Variants in ARHGDIB observed in about 807,000 individuals in gnomAD.
ARHGDIB encodes rho GDP-dissociation inhibitor 2.
In ARHGDIB, 20 loss-of-function variants were observed where a neutral mutation model predicts 22.6. The observed-to-expected ratio is 0.88, with a 90% CI of 0.62 to 1.28. The LOEUF (loss-of-function observed/expected upper bound fraction) is 1.28. Among genes scored for constraint, ARHGDIB ranks in the 50% most tolerant of loss-of-function variants. The probability of loss-of-function intolerance (pLI) is 0.00; values close to 1 mark genes in which losing one functional copy is unlikely to be tolerated. For missense variants in ARHGDIB, 254 were observed against 245.4 expected (o/e 1.04, Z -0.23); for synonymous variants, 114 against 96.1 (o/e 1.19, Z -1.09).
At chr12:14,946,615 C>T (rs1021198399) in intron 4 of ARHGDIB, among the ~76,000 whole-genome samples, 2 of 152,130 alleles carry the variant, frequency 1.3e-5, no homozygotes, top group Non-Finnish European at 2.9e-5. Context: ...GTGGCCTCCT[C>T]CTGCATCATC....
At chr12:14,947,652 T>C (rs1455148175) in intron 4 of ARHGDIB, 2 of 517,130 alleles carry the variant, frequency 3.9e-6, no homozygotes, top group Non-Finnish European at 6.9e-6. Context: ...GCTTAAGAGA[T>C]AATGAAGAGT....
chr12:14,944,141 C>T (rs1407583741), intron 5 of ARHGDIB, among the ~76,000 whole-genome samples: 2 of 151,168 alleles, frequency 1.3e-5, no homozygotes, highest in African/African-American at 4.9e-5. Context: ...AAAGTGCCTC[C>T]ATCACCTTCC....
chr12:14,942,819 G>A, intron 5 of ARHGDIB, 98 bp from the exon 6 acceptor site: 1 of 1,053,250 alleles, frequency 9.5e-7, no homozygotes, highest in Non-Finnish European at 1.4e-6. Flanking sequence ...AGTGATTAAA[G>A]TCAAGAGCAA....
intron 1 of ARHGDIB, among the ~76,000 whole-genome samples, chr12:14,954,387 C>G (rs1864252790): frequency 6.6e-6 from 1 of 152,208 alleles, no homozygotes. Context: ...CAGGTGACAC[C>G]TGTGTCTGAG....
intron 1 of ARHGDIB, among the ~76,000 whole-genome samples, chr12:14,956,578 C>G (rs933236121): frequency 6.6e-6 from 1 of 152,088 alleles, no homozygotes; most frequent in South Asian, 2.1e-4. Context: ...TGACTTTGGT[C>G]CTTTGCACAG....
Position 14,942,287 on chromosome 12 carries a change from G to C in ARHGDIB, c.*235C>G. 1.8e-6 allele frequency: 1 copy of C among 551,116 alleles called. No individual in the cohort carries two copies. Among genetic ancestry groups the C allele is most frequent in the South Asian group, 2.1e-5 (1 of 46,518 alleles). The allele number at this position is 551,116 out of a possible 1,614,324, so 34.1% of individuals were successfully genotyped here. A position where few individuals can be genotyped will look rare whatever the true frequency, so the allele number is the denominator to read the frequency against. On this transcript the variant is annotated 3_prime_UTR_variant, in exon 6 of 6. Coordinates refer to ENST00000228945, the MANE Select transcript of ARHGDIB (RefSeq NM_001175.7). Reference sequence around the variant, plus strand: ...AATGATTGTGTACTGAGATGGAGACGTGGAAGATCTGGCCCTGATGGAGGA... The same window carrying C: ...AATGATTGTGTACTGAGATGGAGACCTGGAAGATCTGGCCCTGATGGAGGA...
At chr12:14,953,419 G>T (rs916799458) in intron 1 of ARHGDIB, among the ~76,000 whole-genome samples, 5 of 152,134 alleles carry the variant, frequency 3.3e-5, no homozygotes, top group African/African-American at 1.2e-4. Context: ...TAAAATTAGG[G>T]TCATGATTAT....
At chr12:14,950,408 T>G in intron 2 of ARHGDIB, 124 bp downstream of exon 2, 1 of 785,898 alleles carries the variant, frequency 1.3e-6, no homozygotes. Flanking sequence ...ATATAAATTG[T>G]GCCTCGCTCA....
intron 1 of ARHGDIB, chr12:14,950,929 C>G (rs1864161651): frequency 6.5e-6 from 3 of 460,894 alleles, no homozygotes; most frequent in African/African-American, 4.0e-5. Flanking sequence ...GCCTGAATTT[C>G]TCTGTACCAT....
At chr12:14,956,637 T>C (rs918124) in intron 1 of ARHGDIB, among the ~76,000 whole-genome samples, 44,902 of 152,066 alleles carry the variant, frequency 0.3, 7,201 homozygotes, top group African/African-American at 0.43. Flanking sequence ...CAGGTTAATG[T>C]GGACCCCATT....
At chr12:14,942,896 T>G (rs1863905349) in intron 5 of ARHGDIB, among the ~76,000 whole-genome samples, 175 bp from the exon 6 acceptor site, 2 of 151,886 alleles carry the variant, frequency 1.3e-5, no homozygotes, top group East Asian at 1.9e-4. Context: ...AAGATGGAGT[T>G]TTGCTCTTGT....
chr12:14,955,611 A>C (rs1205154010), intron 1 of ARHGDIB, among the ~76,000 whole-genome samples: 1 of 152,188 alleles, frequency 6.6e-6, no homozygotes, highest in Non-Finnish European at 1.5e-5. Context: ...CTCAAGTACA[A>C]TACAATATTA....
chr12:14,956,510 C>A lies in ARHGDIB; in HGVS notation c.-13+5027G>T, dbSNP rs143042630. 3.2e-3 allele frequency among the ~76,000 whole-genome samples: 487 copies of A among 152,288 alleles called. 4 individuals carry two copies. Among genetic ancestry groups the A allele is most frequent in the African/African-American group, 0.012 (481 of 41,556 alleles). On this transcript the variant is annotated intron_variant, in intron 1 of 5. Coordinates refer to ENST00000228945, the MANE Select transcript of ARHGDIB (RefSeq NM_001175.7). ...AATCTTCTGGATGGGCTTTCCTCAC[C>A]TTCCTCAGCTGCTCATCCCCTATTC...
intron 3 of ARHGDIB, among the ~76,000 whole-genome samples, chr12:14,948,541 A>G (rs2120707418): frequency 6.6e-6 from 1 of 152,294 alleles, no homozygotes; most frequent in East Asian, 1.9e-4. Flanking sequence ...AAGGAATATC[A>G]CTGAAGTTAT....
At chr12:14,956,501 T>TTTCCTCACC (rs1396590843) in intron 1 of ARHGDIB, among the ~76,000 whole-genome samples, 1 of 152,176 alleles carries the variant, frequency 6.6e-6, no homozygotes, top group Non-Finnish European at 1.5e-5. Context: ...CTGGATGGGC[T>TTTCCTCACC]TTCCTCACCT....
intron 1 of ARHGDIB, 176 bp from the exon 2 acceptor site, chr12:14,950,900 C>A (rs573812714): frequency 7.6e-6 from 4 of 527,854 alleles, no homozygotes; most frequent in East Asian, 6.5e-5. Flanking sequence ...CTAATGTATT[C>A]TAGTAATTTC....
At chr12:14,951,307 C>A (rs1375395869) in intron 1 of ARHGDIB, among the ~76,000 whole-genome samples, 1 of 152,190 alleles carries the variant, frequency 6.6e-6, no homozygotes, top group East Asian at 1.9e-4. Flanking sequence ...CCTCAGGTGC[C>A]TGCATGGTTC....
At chr12:14,959,903 T>A (rs1864377432) in intron 1 of ARHGDIB, among the ~76,000 whole-genome samples, 1 of 152,228 alleles carries the variant, frequency 6.6e-6, no homozygotes, top group Non-Finnish European at 1.5e-5. Flanking sequence ...AAGAGTAAGA[T>A]GCTCTTGTTA....
Position 14,953,347 on chromosome 12 carries a change from A to G in ARHGDIB, c.-12-2623T>C, listed in dbSNP as rs183343830. On this transcript the variant is annotated intron_variant, in intron 1 of 5. Coordinates refer to ENST00000228945, the MANE Select transcript of ARHGDIB (RefSeq NM_001175.7). ...AGCTCATTCTAGAAAGCTGATTAGA[A>G]AGAGTAATAATACAACAAATAAAGG... 2.0e-5 allele frequency among the ~76,000 whole-genome samples: 3 copies of G among 152,306 alleles called. No homozygotes were observed. The East Asian group carries it at 5.8e-4, about 29-fold the overall frequency.
Sources: allele counts gnomAD v4.1 joint callset (sites outside exome capture counted in the v4.1 genomes callset), GRCh38; gene constraint gnomAD v4.1.1; transcripts MANE v1.5; gene names NCBI Gene and HGNC (gene_info 2026-07-23, HGNC 2026-07-21).